Variants in DOCK2 observed in about 807,000 individuals in gnomAD.
DOCK2 encodes dedicator of cytokinesis protein 2.
DOCK2 carries 87 observed loss-of-function variants against 248.9 expected under a neutral mutation model. The ratio of observed to expected loss-of-function variants is 0.35; its 90% CI spans 0.29 to 0.42. DOCK2 has a LOEUF of 0.42. DOCK2 is among the 10% of genes least tolerant of loss of function. The probability of loss-of-function intolerance (pLI) is 1.00; values close to 1 mark genes in which losing one functional copy is unlikely to be tolerated. For missense variants in DOCK2, 1,747 were observed against 2,300.2 expected (o/e 0.76, Z 4.92); for synonymous variants, 805 against 821.6 (o/e 0.98, Z 0.35).
At chr5:169,644,660 C>T (rs1315708611) in intron 1 of DOCK2, among the ~76,000 whole-genome samples, 2 of 150,144 alleles carry the variant, frequency 1.3e-5, no homozygotes, top group Non-Finnish European at 3.0e-5. Context: ...TTCTGGGATA[C>T]AAGTGCAGAA....
chr5:169,699,361 A>G, intron 11 of DOCK2, 21 bp from the exon 12 acceptor site: 2 of 1,610,574 alleles, frequency 1.2e-6, no homozygotes, highest in Non-Finnish European at 1.7e-6. Context: ...TGGACATTTC[A>G]TGCTCTCTTT....
At chr5:169,904,634 C>T (rs1317783979) in intron 27 of DOCK2, among the ~76,000 whole-genome samples, 1 of 152,190 alleles carries the variant, frequency 6.6e-6, no homozygotes. Flanking sequence ...GCCTCTCCCC[C>T]TAGTGAGGGC....
At chr5:170,069,112 C>T in intron 45 of DOCK2, 25 bp from the exon 46 acceptor site, 1 of 1,608,382 alleles carries the variant, frequency 6.2e-7, no homozygotes, top group Non-Finnish European at 8.5e-7. Flanking sequence ...ACAGGAAACC[C>T]TGACCTCCTA....
chr5:169,857,916 A>G (rs967837728), intron 27 of DOCK2, among the ~76,000 whole-genome samples: 26 of 152,170 alleles, frequency 1.7e-4, no homozygotes, highest in Middle Eastern at 3.2e-3. Flanking sequence ...TTTATATTTG[A>G]TAAGTGTTAA....
intron 20 of DOCK2, 93 bp downstream of exon 20, chr5:169,716,395 A>C (rs1449187085): frequency 2.3e-6 from 3 of 1,280,800 alleles, no homozygotes; most frequent in Non-Finnish European, 3.3e-6. Flanking sequence ...CATGGCCCTC[A>C]TGGCCTTTTT....
intron 22 of DOCK2, among the ~76,000 whole-genome samples, chr5:169,726,301 C>T (rs2113601866): frequency 6.6e-6 from 1 of 152,286 alleles, no homozygotes; most frequent in Admixed American, 6.5e-5. Context: ...GCATAAATGT[C>T]TTCTTTTGAG....
At chr5:169,953,332 CAAAA>C (rs576183648) in intron 27 of DOCK2, among the ~76,000 whole-genome samples, 1 of 123,492 alleles carries the variant, frequency 8.1e-6, no homozygotes, top group Admixed American at 8.0e-5. Flanking sequence ...GACTCTATCT[CAAAA>C]AAAAAAAAAA....
chr5:169,967,726 G>A (rs1275851694), intron 27 of DOCK2, among the ~76,000 whole-genome samples: 1 of 152,216 alleles, frequency 6.6e-6, no homozygotes, highest in African/African-American at 2.4e-5. Context: ...GTGCGTTTAG[G>A]AGGCTACTGC....
intron 26 of DOCK2, among the ~76,000 whole-genome samples, chr5:169,813,298 C>T (rs1373592372): frequency 6.6e-6 from 1 of 152,188 alleles, no homozygotes; most frequent in East Asian, 1.9e-4. Flanking sequence ...TCCCGATGAG[C>T]TGGCTCCATT....
chr5:169,655,891 A>G lies in DOCK2; in HGVS notation c.127+1405A>G, dbSNP rs541466381. 2.0e-5 allele frequency among the ~76,000 whole-genome samples: 3 copies of G among 152,308 alleles called. No individual in the cohort carries two copies. The South Asian group carries it at 6.2e-4, about 32-fold the overall frequency. On this transcript the variant is annotated intron_variant, in intron 2 of 51. Transcript: ENST00000520908. ...TGTTCATCTTCCTTATATTTATTTT[A>G]TGCTTTAGTATTATTTTTACTTGGG...
intron 38 of DOCK2, among the ~76,000 whole-genome samples, chr5:170,043,783 G>A (rs976673943): frequency 2.6e-5 from 4 of 152,216 alleles, no homozygotes; most frequent in Admixed American, 2.0e-4. Flanking sequence ...TGCAGTGTGA[G>A]AGCCTAAAAG....
chr5:169,929,241 A>G (rs1053600608), intron 27 of DOCK2, among the ~76,000 whole-genome samples: 13 of 152,150 alleles, frequency 8.5e-5, no homozygotes, highest in Non-Finnish European at 2.9e-5. Context: ...GTATTTTCCA[A>G]TCTCTTCCTC....
At chr5:169,756,016 T>C (rs1764177659) in intron 23 of DOCK2, among the ~76,000 whole-genome samples, 2 of 152,226 alleles carry the variant, frequency 1.3e-5, no homozygotes, top group Middle Eastern at 3.4e-3. Flanking sequence ...GCTGTCCCCA[T>C]TGGGAAAAAG....
intron 27 of DOCK2, among the ~76,000 whole-genome samples, chr5:169,963,702 TC>T (rs1431161803): frequency 6.6e-6 from 1 of 152,086 alleles, no homozygotes; most frequent in Non-Finnish European, 1.5e-5. Flanking sequence ...TTTCTTTGCC[TC>T]AGTTTCTGCC....
At chr5:170,052,468 A>G (rs931256840) in intron 41 of DOCK2, among the ~76,000 whole-genome samples, 2 of 152,200 alleles carry the variant, frequency 1.3e-5, no homozygotes, top group Admixed American at 1.3e-4. Context: ...GGTGCAAAAG[A>G]AAAGGGGAAG....
intron 22 of DOCK2, 117 bp downstream of exon 22, chr5:169,718,908 A>G (rs974978994): frequency 1.4e-6 from 2 of 1,388,738 alleles, no homozygotes. Context: ...TCGATCAAAA[A>G]CAGCTCAAGA....
At chr5:169,992,431 C>A (rs900632033) in intron 29 of DOCK2, among the ~76,000 whole-genome samples, 1 of 152,186 alleles carries the variant, frequency 6.6e-6, no homozygotes, top group Non-Finnish European at 1.5e-5. Flanking sequence ...TCGTCCTAAC[C>A]CACTTTACCA....
chr5:169,791,223 A>G (rs573467748), intron 25 of DOCK2, among the ~76,000 whole-genome samples: 13 of 152,320 alleles, frequency 8.5e-5, no homozygotes, highest in African/African-American at 1.9e-4. Flanking sequence ...TTGAGATTGG[A>G]TATCTCACCC....
At chr5:169,779,247 T>G (rs1409778183) in intron 25 of DOCK2, 1 of 151,998 alleles carries the variant, frequency 6.6e-6, no homozygotes, top group Non-Finnish European at 1.5e-5. Flanking sequence ...AGTAGAAGAG[T>G]TAAGATAGAA....
Sources: gnomAD v4.1 joint callset for allele counts (sites outside exome capture counted in the v4.1 genomes callset) on GRCh38, gnomAD v4.1.1 for gene constraint, MANE v1.5 for transcripts, NCBI Gene and HGNC (gene_info 2026-07-23, HGNC 2026-07-21) for gene names.